The following ADCY2 variants were observed in gnomAD, a reference collection of about 807,000 sequenced individuals.
The protein encoded by ADCY2 is adenylate cyclase 2, also known as adenylate cyclase type 2.
In ADCY2, 31 loss-of-function variants were observed where a neutral mutation model predicts 125.2. The ratio of observed to expected loss-of-function variants is 0.25; its 90% CI spans 0.19 to 0.33. The LOEUF (loss-of-function observed/expected upper bound fraction) is 0.33, where lower values mean the gene tolerates loss of function less well. ADCY2 is among the 10% of genes least tolerant of loss of function. The probability of loss-of-function intolerance (pLI) is 1.00; values close to 1 mark genes in which losing one functional copy is unlikely to be tolerated. For missense variants in ADCY2, 904 were observed against 1,418.2 expected (o/e 0.64, Z 5.82); for synonymous variants, 512 against 548.4 (o/e 0.93, Z 0.93).
chr5:7,660,162 A>G (rs932699072), intron 4 of ADCY2, among the ~76,000 whole-genome samples: 1 of 151,332 alleles, frequency 6.6e-6, no homozygotes, highest in Admixed American at 6.6e-5. Context: ...ACAAATCTGT[A>G]CACATACCTC....
chr5:7,527,319 C>T (rs1311474990), intron 3 of ADCY2, among the ~76,000 whole-genome samples: 3 of 152,142 alleles, frequency 2.0e-5, no homozygotes, highest in Non-Finnish European at 4.4e-5. Context: ...ATACATCGTG[C>T]CTGTTCTTCA....
chr5:7,438,590 G>A (rs1312995725), intron 2 of ADCY2, among the ~76,000 whole-genome samples: 1 of 152,178 alleles, frequency 6.6e-6, no homozygotes, highest in African/African-American at 2.4e-5. Context: ...AGGTGTGAGT[G>A]CTGGAGCAGC....
rs541773999 is a variant in ADCY2 at position 7,828,543 on chromosome 5, T to C, written c.*1672T>C. On this transcript the variant is annotated 3_prime_UTR_variant, in exon 25 of 25. Coordinates refer to ENST00000338316, the MANE Select transcript of ADCY2 (RefSeq NM_020546.3). ...ACTCATTCCCAGTAAAAGGCACTTA[T>C]CGAAGCTGATAACCGTCCTTCATCA... 8.5e-5 allele frequency: 13 copies of C among 152,444 alleles called. No homozygotes were observed. The highest frequency in any genetic ancestry group is 6.5e-4 in the Admixed American group (10 of 15,304). 9.4% of individuals were successfully genotyped at this position (152,444 alleles called of 1,614,324 possible). A position where few individuals can be genotyped will look rare whatever the true frequency, so the allele number is the denominator to read the frequency against.
At chr5:7,481,562 T>C (rs373003565) in intron 2 of ADCY2, among the ~76,000 whole-genome samples, 4 of 152,220 alleles carry the variant, frequency 2.6e-5, no homozygotes, top group South Asian at 4.1e-4. Flanking sequence ...CCACCACGCC[T>C]GGCCTATGTT....
At chr5:7,505,512 CCT>C (rs1743777883) in intron 2 of ADCY2, among the ~76,000 whole-genome samples, 1 of 152,214 alleles carries the variant, frequency 6.6e-6, no homozygotes, top group African/African-American at 2.4e-5. Flanking sequence ...CGACCATCCC[CCT>C]GATGGGTTGG....
At chr5:7,474,757 C>T (rs1742458080) in intron 2 of ADCY2, among the ~76,000 whole-genome samples, 1 of 152,200 alleles carries the variant, frequency 6.6e-6, no homozygotes, top group African/African-American at 2.4e-5. Context: ...TGGGAAGTGG[C>T]TGGTGGATTG....
rs1013595079 is a variant in ADCY2 at position 7,501,638 on chromosome 5, TTCCCCCCTCCC to T, written c.409-19099_409-19089del. ...CATATCCCATCAAAAAAGAATGAGA[TTCCCCCCTCCC>T]CCCCCCCCCGCCAGTAACTTCAAGT... On this transcript the variant is annotated intron_variant, in intron 2 of 24. Coordinates refer to ENST00000338316, the MANE Select transcript of ADCY2 (RefSeq NM_020546.3). Among the ~76,000 whole-genome samples, 9 of 27,958 alleles carry T rather than the reference TTCCCCCCTCCC, an allele frequency of 3.2e-4. 1 individual carries two copies. The highest frequency in any genetic ancestry group is 1.1e-3 in the African/African-American group (7 of 6,266). The allele number at this position is 27,958 out of a possible 152,430, so 18.3% of individuals were successfully genotyped here. A position where few individuals can be genotyped will look rare whatever the true frequency, so the allele number is the denominator to read the frequency against.
intron 2 of ADCY2, 141 bp downstream of exon 2, chr5:7,414,911 A>T (rs1739878478): frequency 1.5e-6 from 1 of 646,062 alleles, no homozygotes; most frequent in Non-Finnish European, 2.6e-6. Context: ...TTATATTGCT[A>T]AAATTTATTT....
intron 4 of ADCY2, among the ~76,000 whole-genome samples, chr5:7,669,928 A>G (rs1039512891): frequency 2.0e-5 from 3 of 152,132 alleles, no homozygotes; most frequent in Non-Finnish European, 4.4e-5. Flanking sequence ...AGGCAATGTG[A>G]GCTTAGGTCA....
intron 4 of ADCY2, among the ~76,000 whole-genome samples, chr5:7,662,119 T>C (rs1739555094): frequency 6.6e-6 from 1 of 152,196 alleles, no homozygotes; most frequent in South Asian, 2.1e-4. Context: ...TGTTAATCAC[T>C]GTCACTCAAG....
At position 7,434,274 on chromosome 5, in the gene ADCY2, A is replaced by G. The variant is rs545122991; in HGVS notation, c.408+19504A>G. On this transcript the variant is annotated intron_variant, in intron 2 of 24. Transcript: ENST00000338316. ...GAAAAAAAGGAATAACCTAAATGGT[A>G]ATCAGTTGGGAACTAGATAAATCAA... 7.5e-4 allele frequency among the ~76,000 whole-genome samples: 115 copies of G among 152,386 alleles called. 1 individual carries two copies. The highest frequency in any genetic ancestry group is 2.7e-3 in the African/African-American group (112 of 41,590).
chr5:7,600,441 C>A (rs557726169), intron 3 of ADCY2, among the ~76,000 whole-genome samples: 4 of 152,162 alleles, frequency 2.6e-5, no homozygotes, highest in Non-Finnish European at 4.4e-5. Context: ...TGGCCTCAGT[C>A]TTCTAGAAGT....
At chr5:7,694,411 G>A (rs1182501263) in intron 5 of ADCY2, among the ~76,000 whole-genome samples, 1 of 151,896 alleles carries the variant, frequency 6.6e-6, no homozygotes, top group Non-Finnish European at 1.5e-5. Context: ...CCAAACTAAA[G>A]CTCCGAACCC....
chr5:7,821,918 A>G (rs1745314186), intron 24 of ADCY2, among the ~76,000 whole-genome samples: 1 of 152,198 alleles, frequency 6.6e-6, no homozygotes, highest in Non-Finnish European at 1.5e-5. Context: ...GTGAAAATAA[A>G]GGTGGTTTGA....
intron 20 of ADCY2, chr5:7,801,483 TCCTCCACA>T (rs1263442690): frequency 6.6e-6 from 1 of 152,204 alleles, no homozygotes; most frequent in Non-Finnish European, 1.5e-5. Flanking sequence ...GAAGGGCAGA[TCCTCCACA>T]CCTAGGACTA....
intron 2 of ADCY2, among the ~76,000 whole-genome samples, chr5:7,416,179 A>G (rs1369424397): frequency 6.6e-6 from 1 of 152,198 alleles, no homozygotes; most frequent in Non-Finnish European, 1.5e-5. Flanking sequence ...GTTGGTAAGT[A>G]GTCATGTGAC....
chr5:7,672,871 A>G (rs1471063531), intron 4 of ADCY2, among the ~76,000 whole-genome samples: 1 of 152,016 alleles, frequency 6.6e-6, no homozygotes, highest in East Asian at 1.9e-4. Flanking sequence ...ATTCACTTGC[A>G]GCCCTTTACA....
intron 2 of ADCY2, among the ~76,000 whole-genome samples, chr5:7,418,741 C>T (rs186692373): frequency 1.8e-4 from 26 of 147,692 alleles, no homozygotes; most frequent in African/African-American, 5.6e-4. Flanking sequence ...CTACAACCTC[C>T]GCCTCCTGGG....
intron 7 of ADCY2, among the ~76,000 whole-genome samples, chr5:7,703,778 T>C (rs184150619): frequency 2.6e-5 from 4 of 152,222 alleles, no homozygotes; most frequent in Admixed American, 2.6e-4. Flanking sequence ...ATTGGTCGCT[T>C]GATGGGGATG....
Sources: allele counts gnomAD v4.1 joint callset (sites outside exome capture counted in the v4.1 genomes callset), GRCh38; gene constraint gnomAD v4.1.1; transcripts MANE v1.5; gene names NCBI Gene and HGNC (gene_info 2026-07-23, HGNC 2026-07-21).